Variants in ADAMTS18 observed in about 807,000 individuals in gnomAD.
ADAMTS18 encodes the protein ADAM metallopeptidase with thrombospondin type 1 motif 18.
ADAMTS18 carries 157 observed loss-of-function variants against 165.9 expected under a neutral mutation model. The observed-to-expected ratio is 0.95, with a 90% CI of 0.83 to 1.08. The LOEUF is 1.08. ADAMTS18 is among the 50% of genes least tolerant of loss of function. The probability of loss-of-function intolerance (pLI) is 0.00; values close to 1 mark genes in which losing one functional copy is unlikely to be tolerated. For synonymous variants in ADAMTS18, 782 were observed against 578.2 expected (o/e 1.35, Z -5.06); for missense variants, 2,040 against 1,534.0 (o/e 1.33, Z -5.51).
chr16:77,338,953 C>CAAA (rs58380516), intron 11 of ADAMTS18, among the ~76,000 whole-genome samples: 1 of 113,540 alleles, frequency 8.8e-6, no homozygotes, highest in Admixed American at 9.0e-5. Context: ...GACTCCATCT[C>CAAA]AAAAAAAAAA....
At chr16:77,419,599 A>C (rs2057574898) in intron 3 of ADAMTS18, among the ~76,000 whole-genome samples, 1 of 152,168 alleles carries the variant, frequency 6.6e-6, no homozygotes, top group African/African-American at 2.4e-5. Context: ...CCTATCTTAA[A>C]GTTAACCAAT....
chr16:77,377,744 A>G (rs1374133710), intron 3 of ADAMTS18, among the ~76,000 whole-genome samples: 1 of 152,242 alleles, frequency 6.6e-6, no homozygotes, highest in Non-Finnish European at 1.5e-5. Context: ...CTCTTACCTC[A>G]GTCAAGATGT....
intron 12 of ADAMTS18, among the ~76,000 whole-genome samples, chr16:77,327,517 G>C (rs1472486083): frequency 6.6e-6 from 1 of 152,144 alleles, no homozygotes; most frequent in Non-Finnish European, 1.5e-5. Context: ...CAATCAACGA[G>C]TAAAGAAAAT....
chr16:77,375,441 G>C (rs974034203), intron 3 of ADAMTS18, among the ~76,000 whole-genome samples: 18 of 152,264 alleles, frequency 1.2e-4, no homozygotes, highest in African/African-American at 4.3e-4. Context: ...AATAATAGAA[G>C]GGGTGAGAGG....
At chr16:77,297,216 T>C (rs984247395) in intron 18 of ADAMTS18, 73 bp downstream of exon 18, 1 of 1,586,230 alleles carries the variant, frequency 6.3e-7, no homozygotes, top group Admixed American at 1.7e-5. Context: ...ACAGTGAGCT[T>C]TCATCATCTC....
chr16:77,334,697 T>C (rs1485566107), intron 12 of ADAMTS18, among the ~76,000 whole-genome samples: 1 of 88,516 alleles, frequency 1.1e-5, no homozygotes, highest in Non-Finnish European at 2.1e-5. Context: ...ATATATAGTA[T>C]ATATATACTG....
At chr16:77,294,685 A>G (rs1489629317) in intron 19 of ADAMTS18, among the ~76,000 whole-genome samples, 1 of 152,172 alleles carries the variant, frequency 6.6e-6, no homozygotes, top group Admixed American at 6.5e-5. Context: ...TCTGGCCTAA[A>G]TGGCCCCCAC....
At chr16:77,304,550 C>T (rs1469247875) in intron 16 of ADAMTS18, among the ~76,000 whole-genome samples, 2 of 152,236 alleles carry the variant, frequency 1.3e-5, no homozygotes, top group South Asian at 2.1e-4. Flanking sequence ...GTGTTTCCCA[C>T]ATCCCTTTTC....
At chr16:77,285,240 T>C (rs984917726) in intron 22 of ADAMTS18, among the ~76,000 whole-genome samples, 1 of 152,180 alleles carries the variant, frequency 6.6e-6, no homozygotes, top group African/African-American at 2.4e-5. Context: ...TGGTATAATC[T>C]CGGCTCACTG....
chr16:77,297,327 A>G lies in ADAMTS18; in HGVS notation c.2763T>C (p.Thr921=). The G allele has an allele frequency of 6.2e-7, 1 of 1,614,190 alleles. No individual in the cohort carries two copies. Among genetic ancestry groups the G allele is most frequent in the Non-Finnish European group, 8.5e-7 (1 of 1,180,016 alleles). Residue 921 remains threonine, a synonymous_variant, in exon 18 of 23, where the codon ACT becomes ACC. Coordinates refer to ENST00000282849, the MANE Select transcript of ADAMTS18 (RefSeq NM_199355.4). ...AGAAAGCGTTGCAGATTTTGGGCTC[A>G]GTTACTGGCTTGGTTTTTGCACTGC... The part of the protein sequence containing the change: ...SFCSAKTKPV[T]EPKICNAFSC...
chr16:77,368,572 G>C (rs2056833134), intron 3 of ADAMTS18, among the ~76,000 whole-genome samples: 2 of 151,732 alleles, frequency 1.3e-5, no homozygotes, highest in South Asian at 4.2e-4. Flanking sequence ...GAATAGCTGG[G>C]ACTACAGGTA....
intron 3 of ADAMTS18, among the ~76,000 whole-genome samples, chr16:77,379,241 T>C (rs1406973244): frequency 6.6e-6 from 1 of 152,210 alleles, no homozygotes; most frequent in South Asian, 2.1e-4. Flanking sequence ...TTCAAATGTT[T>C]AACTCCAGCC....
chr16:77,309,083 A>G (rs2055733004), intron 16 of ADAMTS18, among the ~76,000 whole-genome samples: 1 of 152,196 alleles, frequency 6.6e-6, no homozygotes, highest in Non-Finnish European at 1.5e-5. Flanking sequence ...TGCCAGACTT[A>G]TGTTGTAGAA....
Position 77,393,810 on chromosome 16 carries a change from C to T in ADAMTS18, c.496-26087G>A, listed in dbSNP as rs114176906. On this transcript the variant is annotated intron_variant, in intron 3 of 22. Coordinates refer to ENST00000282849, the MANE Select transcript of ADAMTS18 (RefSeq NM_199355.4). ...AAACAAAACACTTCTGTGGGCTGGG[C>T]CCATTATGGTCCAAAGGCCTCTACT... 6.5e-4 allele frequency among the ~76,000 whole-genome samples: 99 copies of T among 152,300 alleles called. 1 individual carries two copies. Among genetic ancestry groups the T allele is most frequent in the African/African-American group, 2.1e-3 (87 of 41,572 alleles).
rs1567446517 is a variant in ADAMTS18, at chr16:77,282,311, TAATAA to T, written c.*1640_*1644del. Reference sequence around the variant, plus strand: ...ATTAATAAATTAATTTTCCATAAAATAATAAAATGATAATTATATAAAGAAATAAC... The same window carrying T: ...ATTAATAAATTAATTTTCCATAAAATAATGATAATTATATAAAGAAATAAC... On this transcript the variant is annotated 3_prime_UTR_variant, in exon 23 of 23. Transcript: ENST00000282849. The T allele has an allele frequency of 4.6e-5, 7 of 152,068 alleles. No homozygotes were observed. Among genetic ancestry groups the T allele is most frequent in the Non-Finnish European group, 7.4e-5 (5 of 68,018 alleles). The allele number at this position is 152,068 out of a possible 1,614,324, so 9.4% of individuals were successfully genotyped here. A position where few individuals can be genotyped will look rare whatever the true frequency, so the allele number is the denominator to read the frequency against.
At chr16:77,389,118 G>T (rs1048444844) in intron 3 of ADAMTS18, among the ~76,000 whole-genome samples, 4 of 152,122 alleles carry the variant, frequency 2.6e-5, no homozygotes, top group Admixed American at 6.5e-5. Flanking sequence ...TGGGCAACAT[G>T]GCGAAACCCC....
Position 77,289,379 on chromosome 16 carries a change from G to A in ADAMTS18, c.3435C>T (p.Thr1145=), listed in dbSNP as rs772776171. ...CTTGCTGAACACAGTGGACTGACCG[G>A]GTCTGGACCCCTCCCCCACAGGTGA... The part of the protein sequence containing the change: ...CTVTCGGGVQ[T]RSVHCVQQGR... The change falls in exon 22 of 23, where the codon ACC becomes ACT. Residue 1145 remains threonine, a synonymous_variant. Transcript: ENST00000282849. 2.5e-6 allele frequency: 4 copies of A among 1,613,968 alleles called. No individual in the cohort carries two copies. The highest frequency in any genetic ancestry group is 3.4e-6 in the Non-Finnish European group (4 of 1,180,018).
rs200629744 is a variant in ADAMTS18 at position 77,375,890 on chromosome 16, C to CTTTTTTTTTTTTTT, written c.496-8181_496-8168dup. Among the ~76,000 whole-genome samples the CTTTTTTTTTTTTTT allele has an allele frequency of 1.7e-4, 16 of 93,898 alleles. 1 individual carries two copies. Among genetic ancestry groups the CTTTTTTTTTTTTTT allele is most frequent in the South Asian group, 8.7e-4 (2 of 2,300 alleles). 61.6% of individuals were successfully genotyped at this position (93,898 alleles called of 152,430 possible). On this transcript the variant is annotated intron_variant, in intron 3 of 22. Coordinates refer to ENST00000282849, the MANE Select transcript of ADAMTS18 (RefSeq NM_199355.4). ...TTTTATGTCGTTTTTTCTTTCTTTCCTTTTTTTTTTTTTTTTTTTTTTTTT... is the reference window on the plus strand; with the variant it reads ...TTTTATGTCGTTTTTTCTTTCTTTCCTTTTTTTTTTTTTTTTTTTTTTTTTTTTTTTTTTTTTTT...
intron 3 of ADAMTS18, among the ~76,000 whole-genome samples, chr16:77,423,242 G>C (rs1435141019): frequency 6.6e-6 from 1 of 152,182 alleles, no homozygotes; most frequent in South Asian, 2.1e-4. Context: ...AATGGCTCCA[G>C]TGTTAATAGC....
Sources: allele counts gnomAD v4.1 joint callset (sites outside exome capture counted in the v4.1 genomes callset), GRCh38; gene constraint gnomAD v4.1.1; transcripts MANE v1.5; gene names NCBI Gene and HGNC (gene_info 2026-07-23, HGNC 2026-07-21).